Variants in NEGR1 observed in about 807,000 individuals in gnomAD.
NEGR1 encodes the protein IgLON family member 4.
NEGR1 carries 10 observed loss-of-function variants against 40.9 expected under a neutral mutation model. That is an observed-to-expected ratio of 0.24 (90% confidence interval 0.15 to 0.42). The LOEUF (loss-of-function observed/expected upper bound fraction) is 0.42, where lower values mean the gene tolerates loss of function less well. Among genes scored for constraint, NEGR1 ranks in the 10% least tolerant of loss-of-function variants. The pLI, the probability that NEGR1 is intolerant of heterozygous loss-of-function variation, is 1.00. For synonymous variants in NEGR1, 185 were observed against 166.8 expected, an observed-to-expected ratio of 1.11 and a Z score of -0.84; for missense variants, 352 against 438.9, an observed-to-expected ratio of 0.80 and a Z score of 1.77.
At chr1:71,599,909 T>A (rs918821602) in intron 5 of NEGR1, among the ~76,000 whole-genome samples, 1 of 152,174 alleles carries the variant, frequency 6.6e-6, no homozygotes, top group African/African-American at 2.4e-5. Flanking sequence ...AGTTCCTGTA[T>A]CCCTGGCAAC....
chr1:71,527,210 ATC>A lies in NEGR1; in HGVS notation c.940+65605_940+65606del, dbSNP rs564337783. On this transcript the variant is annotated intron_variant, in intron 6 of 6. Coordinates refer to ENST00000357731, the MANE Select transcript of NEGR1 (RefSeq NM_173808.3). ...TAAATAATGGTCCAATCACTTTTGC[ATC>A]TCTGATGCATGGTTCAGTGTCTCAC... 4.1e-3 allele frequency among the ~76,000 whole-genome samples: 621 copies of A among 151,664 alleles called. 3 individuals carry two copies. The highest frequency in any genetic ancestry group is 0.014 in the African/African-American group (590 of 41,488).
intron 6 of NEGR1, among the ~76,000 whole-genome samples, chr1:71,503,043 A>C (rs1647009437): frequency 6.6e-6 from 1 of 152,180 alleles, no homozygotes; most frequent in African/African-American, 2.4e-5. Flanking sequence ...GGAGTCAAAG[A>C]GACTCTCTCT....
intron 6 of NEGR1, among the ~76,000 whole-genome samples, chr1:71,562,784 A>C (rs1648502595): frequency 6.6e-6 from 1 of 151,966 alleles, no homozygotes; most frequent in Non-Finnish European, 1.5e-5. Context: ...TCCAACAATA[A>C]AATTTATTTC....
intron 1 of NEGR1, among the ~76,000 whole-genome samples, chr1:72,204,030 G>A (rs935762524): frequency 1.3e-5 from 2 of 152,040 alleles, no homozygotes; most frequent in African/African-American, 4.8e-5. Flanking sequence ...AATGTCACTA[G>A]CAGTATTGCG....
chr1:71,971,834 C>A (rs1646258961), intron 1 of NEGR1, among the ~76,000 whole-genome samples: 1 of 152,146 alleles, frequency 6.6e-6, no homozygotes, highest in Non-Finnish European at 1.5e-5. Context: ...TCACTTTTAT[C>A]ATAATATTTT....
intron 4 of NEGR1, among the ~76,000 whole-genome samples, chr1:71,629,932 A>AT (rs1650918758): frequency 6.6e-6 from 1 of 151,986 alleles, no homozygotes; most frequent in Non-Finnish European, 1.5e-5. Flanking sequence ...TACTGACATC[A>AT]ATGCCTTTTT....
chr1:72,104,908 T>G (rs1395093413), intron 1 of NEGR1, among the ~76,000 whole-genome samples: 6 of 152,182 alleles, frequency 3.9e-5, no homozygotes, highest in Non-Finnish European at 8.8e-5. Flanking sequence ...TGACTGGACT[T>G]ATCAGAGTAC....
chr1:71,859,209 G>A (rs2101821118), intron 2 of NEGR1, among the ~76,000 whole-genome samples: 1 of 151,958 alleles, frequency 6.6e-6, no homozygotes, highest in African/African-American at 2.4e-5. Flanking sequence ...TCCTCACTCT[G>A]CTCCAGGACA....
intron 1 of NEGR1, among the ~76,000 whole-genome samples, chr1:72,231,678 A>C (rs943077212): frequency 6.6e-6 from 1 of 152,134 alleles, no homozygotes; most frequent in African/African-American, 2.4e-5. Flanking sequence ...AATTTTGTTC[A>C]TTAATTTGTG....
At chr1:71,870,509 AT>A in intron 2 of NEGR1, among the ~76,000 whole-genome samples, 1 of 152,184 alleles carries the variant, frequency 6.6e-6, no homozygotes, top group East Asian at 1.9e-4. Flanking sequence ...GGTGGATGAC[AT>A]TAAAAAACTG....
intron 2 of NEGR1, among the ~76,000 whole-genome samples, chr1:71,849,868 C>T (rs1055615064): frequency 9.9e-5 from 15 of 152,024 alleles, no homozygotes; most frequent in Non-Finnish European, 5.9e-5. Flanking sequence ...TTTTTAGATA[C>T]AATGGTACTA....
intron 4 of NEGR1, among the ~76,000 whole-genome samples, chr1:71,637,758 C>A (rs1228054966): frequency 5.9e-5 from 9 of 151,678 alleles, no homozygotes; most frequent in African/African-American, 2.2e-4. Flanking sequence ...CAGAGGGAGA[C>A]AAAGAAGCAT....
intron 1 of NEGR1, among the ~76,000 whole-genome samples, chr1:72,227,304 G>T (rs1454819283): frequency 1.3e-5 from 2 of 151,966 alleles, no homozygotes; most frequent in Non-Finnish European, 2.9e-5. Flanking sequence ...GTTTAAAATT[G>T]TATCATCCTG....
At chr1:71,794,466 T>C (rs900509662) in intron 2 of NEGR1, 1 of 152,010 alleles carries the variant, frequency 6.6e-6, no homozygotes, top group African/African-American at 2.4e-5. Flanking sequence ...ACACAGGTTT[T>C]GAATATGATA....
intron 3 of NEGR1, among the ~76,000 whole-genome samples, chr1:71,727,363 T>C (rs908544178): frequency 6.6e-6 from 1 of 152,190 alleles, no homozygotes; most frequent in African/African-American, 2.4e-5. Context: ...ATTCAGGATA[T>C]GCCAAAAGAT....
chr1:72,273,369 T>A (rs1011360591), intron 1 of NEGR1, among the ~76,000 whole-genome samples: 1 of 152,062 alleles, frequency 6.6e-6, no homozygotes, highest in East Asian at 1.9e-4. Context: ...CAGAAATAAA[T>A]GTTAGGAGGT....
chr1:72,277,004 T>C (rs529781346), intron 1 of NEGR1, among the ~76,000 whole-genome samples: 2 of 152,176 alleles, frequency 1.3e-5, no homozygotes, highest in Non-Finnish European at 2.9e-5. Flanking sequence ...CAGGAGCTAG[T>C]TATCAGTTGG....
intron 6 of NEGR1, among the ~76,000 whole-genome samples, chr1:71,570,329 C>T (rs1359565870): frequency 6.6e-6 from 1 of 152,078 alleles, no homozygotes; most frequent in African/African-American, 2.4e-5. Context: ...ATTTGTCCTC[C>T]TTGCTTAAAA....
chr1:71,488,855 A>C (rs1646905431), intron 6 of NEGR1, among the ~76,000 whole-genome samples: 1 of 151,744 alleles, frequency 6.6e-6, no homozygotes, highest in South Asian at 2.1e-4. Context: ...TTTTCTTCTC[A>C]CAAAGATGAT....
Sources: allele counts gnomAD v4.1 joint callset (sites outside exome capture counted in the v4.1 genomes callset), GRCh38; gene constraint gnomAD v4.1.1; transcripts MANE v1.5; gene names NCBI Gene and HGNC (gene_info 2026-07-23, HGNC 2026-07-21).